ROBO2: variants seen among roughly 807,000 people sequenced by gnomAD.
The protein encoded by ROBO2 is roundabout guidance receptor 2.
In ROBO2, 53 loss-of-function variants were observed where a neutral mutation model predicts 160.8. The observed-to-expected ratio is 0.33, with a 90% CI of 0.26 to 0.41. ROBO2 has a LOEUF of 0.41. ROBO2 is among the 10% of genes least tolerant of loss of function. The pLI is 1.00. For missense variants in ROBO2, 1,577 were observed against 1,722.4 expected (o/e 0.92, Z 1.49); for synonymous variants, 664 against 611.7 (o/e 1.09, Z -1.26).
At chr3:76,806,443 T>G (rs1393658545) in intron 2 of ROBO2, among the ~76,000 whole-genome samples, 1 of 151,914 alleles carries the variant, frequency 6.6e-6, no homozygotes, top group Admixed American at 6.6e-5. Context: ...AGAAGAAATA[T>G]TTTAGCAAAC....
chr3:76,787,328 C>CCACACACACACA (rs60806662), intron 2 of ROBO2, among the ~76,000 whole-genome samples: 6,191 of 142,142 alleles, frequency 0.044, 185 homozygotes, highest in South Asian at 0.093. Flanking sequence ...TGTAAACACA[C>CCACACACACACA]CACACACACA....
chr3:76,988,684 A>G (rs545943143), intron 2 of ROBO2, among the ~76,000 whole-genome samples: 1 of 152,226 alleles, frequency 6.6e-6, no homozygotes, highest in African/African-American at 2.4e-5. Flanking sequence ...TATTCCCAGT[A>G]GATTAATTTT....
chr3:77,479,111 G>C (rs183242308), intron 3 of ROBO2, among the ~76,000 whole-genome samples: 1 of 152,302 alleles, frequency 6.6e-6, no homozygotes, highest in East Asian at 1.9e-4. Context: ...GATTTTCAGA[G>C]AAGATAAGTG....
At chr3:76,196,648 A>T (rs1259168399) in intron 2 of ROBO2, among the ~76,000 whole-genome samples, 1 of 152,178 alleles carries the variant, frequency 6.6e-6, no homozygotes, top group African/African-American at 2.4e-5. Flanking sequence ...TTTGCATGAA[A>T]AAAAGTAAAT....
At chr3:76,848,140 T>C (rs1368457547) in intron 2 of ROBO2, among the ~76,000 whole-genome samples, 2 of 152,200 alleles carry the variant, frequency 1.3e-5, no homozygotes, top group East Asian at 1.9e-4. Context: ...AATTGTTTCA[T>C]CTGATTCATC....
chr3:76,178,929 G>A (rs554266349), intron 2 of ROBO2, among the ~76,000 whole-genome samples: 39 of 152,066 alleles, frequency 2.6e-4, no homozygotes, highest in East Asian at 5.8e-4. Flanking sequence ...AAACAAGAGC[G>A]AAACTCCATC....
At chr3:76,592,430 T>C (rs1476458259) in intron 2 of ROBO2, among the ~76,000 whole-genome samples, 6 of 152,118 alleles carry the variant, frequency 3.9e-5, no homozygotes, top group African/African-American at 9.7e-5. Context: ...ATTTCATCCA[T>C]ACATATTTGC....
chr3:76,884,051 C>T (rs2073634046), intron 2 of ROBO2, among the ~76,000 whole-genome samples: 2 of 152,278 alleles, frequency 1.3e-5, no homozygotes, highest in South Asian at 4.1e-4. Context: ...GTTTAATCAT[C>T]TCTTCTTGCT....
intron 2 of ROBO2, among the ~76,000 whole-genome samples, chr3:77,475,773 G>C (rs1270493930): frequency 1.3e-5 from 2 of 152,188 alleles, no homozygotes; most frequent in Non-Finnish European, 2.9e-5. Context: ...GAACCACGGT[G>C]TTAACCCCTT....
intron 2 of ROBO2, among the ~76,000 whole-genome samples, chr3:76,362,534 A>G (rs2075581970): frequency 6.6e-6 from 1 of 152,080 alleles, no homozygotes; most frequent in African/African-American, 2.4e-5. Context: ...TAACCTCTCT[A>G]GATTTGAATT....
intron 2 of ROBO2, among the ~76,000 whole-genome samples, chr3:76,065,830 G>A (rs1032168358): frequency 1.3e-5 from 2 of 150,690 alleles, no homozygotes; most frequent in African/African-American, 4.9e-5. Context: ...TGGTTATTCT[G>A]AATTTTGTCT....
intron 2 of ROBO2, among the ~76,000 whole-genome samples, chr3:76,335,682 A>G (rs1337647674): frequency 1.3e-5 from 2 of 151,108 alleles, no homozygotes; most frequent in South Asian, 4.2e-4. Flanking sequence ...GGTTCACGCC[A>G]TTCTCCTGCC....
At chr3:76,475,483 C>T (rs546597039) in intron 2 of ROBO2, among the ~76,000 whole-genome samples, 35 of 151,030 alleles carry the variant, frequency 2.3e-4, no homozygotes, top group African/African-American at 6.3e-4. Context: ...CATTATCTGA[C>T]TTTCACTTTA....
chr3:76,491,682 C>G (rs2079833193), intron 2 of ROBO2, among the ~76,000 whole-genome samples: 1 of 152,172 alleles, frequency 6.6e-6, no homozygotes, highest in Non-Finnish European at 1.5e-5. Flanking sequence ...TCATTACAGT[C>G]AAACATTGCT....
chr3:76,085,937 C>T (rs1361403412), intron 2 of ROBO2, among the ~76,000 whole-genome samples: 1 of 152,068 alleles, frequency 6.6e-6, no homozygotes, highest in African/African-American at 2.4e-5. Context: ...GATAAATGAA[C>T]CAATTTGAAA....
At chr3:76,077,211 A>T (rs2068671373) in intron 2 of ROBO2, among the ~76,000 whole-genome samples, 1 of 152,198 alleles carries the variant, frequency 6.6e-6, no homozygotes, top group Non-Finnish European at 1.5e-5. Flanking sequence ...AAAGCAAAAC[A>T]GTGTGCAACT....
At chr3:77,041,029 G>A (rs1180146268) in intron 1 of ROBO2, among the ~76,000 whole-genome samples, 183 bp downstream of exon 1, 1 of 152,218 alleles carries the variant, frequency 6.6e-6, no homozygotes. Flanking sequence ...CTAAACTGCT[G>A]TAAGTGGAAT....
chr3:77,334,063 C>A (rs2066245368), intron 2 of ROBO2, among the ~76,000 whole-genome samples: 1 of 152,162 alleles, frequency 6.6e-6, no homozygotes, highest in Middle Eastern at 3.2e-3. Context: ...AGTAAATGTT[C>A]TTAAAACTAA....
rs945032401 is a variant in ROBO2 at position 76,776,427 on chromosome 3, T to C, written c.110-321587T>C. Among the ~76,000 whole-genome samples, 30 of 151,100 alleles carry C rather than the reference T, an allele frequency of 2.0e-4. 1 individual carries two copies. Among genetic ancestry groups the C allele is most frequent in the Admixed American group, 1.8e-3 (27 of 15,112 alleles). On this transcript the variant is annotated intron_variant, in intron 2 of 26. Coordinates refer to the ROBO2 transcript ENST00000487694. The stretch of plus-strand genomic sequence containing the variant: ...TGTGTTTAGCTCATATAAATAAGTA[T>C]TGTTTTGATCATTAGGCCAACTAAA...
Sources: allele counts gnomAD v4.1 joint callset (sites outside exome capture counted in the v4.1 genomes callset), GRCh38; gene constraint gnomAD v4.1.1; transcripts MANE v1.5; gene names NCBI Gene and HGNC (gene_info 2026-07-23, HGNC 2026-07-21).